SESN1: variants seen among roughly 807,000 people sequenced by gnomAD.
The protein encoded by SESN1 is sestrin-1.
A neutral mutation model predicts 59.3 loss-of-function variants in SESN1; 30 were observed. That is an observed-to-expected ratio of 0.51 (90% CI 0.38 to 0.69). The LOEUF (loss-of-function observed/expected upper bound fraction) is 0.69. Among genes scored for constraint, SESN1 ranks in the 30% least tolerant of loss-of-function variants. The pLI is 0.00. For synonymous variants in SESN1, 197 were observed against 219.9 expected (o/e 0.90, Z 0.92); for missense variants, 566 against 673.0 (o/e 0.84, Z 1.76).
Position 108,998,612 on chromosome 6 carries a change from T to C in SESN1, c.873A>G (p.Thr291=). 6.2e-7 allele frequency: 1 copy of C among 1,614,014 alleles called. No individual in the cohort carries two copies. Among genetic ancestry groups the C allele is most frequent in the South Asian group, 1.1e-5 (1 of 91,086 alleles). Residue 291 remains threonine (T), a synonymous_variant, in exon 5 of 10, where the codon ACA becomes ACG. Transcript: ENST00000436639. ...SPEIHCDGGH[T]FRPPSVSNYC... ...AGTTGCTAACAGAAGGAGGTCTGAA[T>C]GTGTGGCCACCATCACAATGAATTT...
At chr6:109,009,621 C>T in intron 1 of SESN1, 1 of 988,844 alleles carries the variant, frequency 1.0e-6, no homozygotes, top group Non-Finnish European at 1.2e-6. Context: ...ATTTCACCGC[C>T]CTGGCGGCCA....
intron 1 of SESN1, among the ~76,000 whole-genome samples, chr6:109,026,262 A>C (rs1050282513): frequency 6.6e-6 from 1 of 152,220 alleles, no homozygotes; most frequent in Non-Finnish European, 1.5e-5. Flanking sequence ...CAGATCCTCA[A>C]CTGAAGGAGT....
chr6:109,038,990 GGAGGAGGA>G (rs947289311), intron 1 of SESN1, among the ~76,000 whole-genome samples: 1 of 149,884 alleles, frequency 6.7e-6, no homozygotes, highest in Non-Finnish European at 1.5e-5. Context: ...AGAAGAAGGA[GGAGGAGGA>G]GAAAAGAAGA....
chr6:109,064,705 A>G (rs1305910722), intron 1 of SESN1, among the ~76,000 whole-genome samples: 12 of 74,272 alleles, frequency 1.6e-4, no homozygotes, highest in Non-Finnish European at 2.0e-4. Flanking sequence ...AGAGAGGGAG[A>G]GAGATGAAGG....
intron 1 of SESN1, among the ~76,000 whole-genome samples, chr6:109,051,342 T>C (rs1780539205): frequency 6.6e-6 from 1 of 152,194 alleles, no homozygotes. Flanking sequence ...ACAATAATGG[T>C]GCTACTTCAG....
Position 109,000,528 on chromosome 6 carries a change from G to T in SESN1, c.692C>A (p.Ala231Asp). Residue 231 changes from alanine to aspartate, a missense_variant, in exon 4 of 10, where the codon GCC (alanine) becomes GAC (aspartate). Transcript: ENST00000436639. ...QNLGELNKVLAHRPWLITKEH... is the reference protein window; with the variant it reads ...QNLGELNKVLDHRPWLITKEH... Reference sequence around the variant, plus strand: ...TTTGGTAATAAGCCAAGGTCTATGGGCTAACACTTTGTTAAGTTCTCCTAA... The same window carrying T: ...TTTGGTAATAAGCCAAGGTCTATGGTCTAACACTTTGTTAAGTTCTCCTAA... 1 of 1,609,606 alleles carries T rather than the reference G, an allele frequency of 6.2e-7. No homozygotes were observed. The highest frequency in any genetic ancestry group is 2.2e-5 in the East Asian group (1 of 44,718).
At chr6:109,032,569 G>A (rs1392332897) in intron 1 of SESN1, among the ~76,000 whole-genome samples, 2 of 150,630 alleles carry the variant, frequency 1.3e-5, no homozygotes, top group Non-Finnish European at 2.9e-5. Flanking sequence ...AATGAGCCGA[G>A]ATTGGGCCAT....
At chr6:108,998,345 T>A in intron 5 of SESN1, 168 bp downstream of exon 5, 1 of 671,004 alleles carries the variant, frequency 1.5e-6, no homozygotes, top group Non-Finnish European at 2.5e-6. Flanking sequence ...AGACTAGTGA[T>A]GAGCATGTGA....
chr6:109,088,011 C>G (rs1781243271), intron 1 of SESN1: 1 of 151,992 alleles, frequency 6.6e-6, no homozygotes, highest in Admixed American at 6.6e-5. Flanking sequence ...TAGTCCAAAC[C>G]AAAAATAGAA....
rs748684750 is a variant in SESN1 at position 108,994,451 on chromosome 6, G to C, written c.1120+11C>G. 1 of 1,603,954 alleles carries C rather than the reference G, an allele frequency of 6.2e-7. No individual in the cohort carries two copies. Among genetic ancestry groups the C allele is most frequent in the African/African-American group, 1.3e-5 (1 of 74,610 alleles). On this transcript the variant is annotated intron_variant, in intron 6 of 9. Coordinates refer to ENST00000436639, the MANE Select transcript of SESN1 (RefSeq NM_014454.3). Reference sequence around the variant, plus strand: ...CAATAATTATATTGACTATATAATGGTTGTTCTTACCTGAAGAGAAGACAA... The same window carrying C: ...CAATAATTATATTGACTATATAATGCTTGTTCTTACCTGAAGAGAAGACAA...
intron 1 of SESN1, among the ~76,000 whole-genome samples, chr6:109,026,157 A>G (rs2114382047): frequency 6.6e-6 from 1 of 152,310 alleles, no homozygotes; most frequent in East Asian, 1.9e-4. Context: ...TTGAGAGAAA[A>G]TATCATTGTT....
chr6:108,984,879 G>A lies in SESN1; in HGVS notation c.*2665C>T, dbSNP rs1779141498. ...TTTGGTGCGGCCTTTTCCTGGCTTT[G>A]CATTTGCCTAAATGCTGCAGTTTCC... On this transcript the variant is annotated 3_prime_UTR_variant, in exon 10 of 10. Transcript: ENST00000436639. 6.6e-6 allele frequency among the ~76,000 whole-genome samples: 1 copy of A among 152,046 alleles called. No individual in the cohort carries two copies. Among genetic ancestry groups the A allele is most frequent in the African/African-American group, 2.4e-5 (1 of 41,384 alleles).
Position 109,040,899 on chromosome 6 carries a change from G to A in SESN1, c.280-38556C>T, listed in dbSNP as rs544756777. On this transcript the variant is annotated intron_variant, in intron 1 of 9. Coordinates refer to ENST00000436639, the MANE Select transcript of SESN1 (RefSeq NM_014454.3). ...AATCTCCTGACCTCGTGATCTGCCC[G>A]CCTCAGCCTCCCAAAGTGCTGGGAT... 1.9e-3 allele frequency among the ~76,000 whole-genome samples: 287 copies of A among 151,998 alleles called. 1 individual carries two copies. Among genetic ancestry groups the A allele is most frequent in the Non-Finnish European group, 3.4e-3 (233 of 67,950 alleles).
At position 108,992,892 on chromosome 6, in the gene SESN1, T is replaced by A. The variant is rs770423654; in HGVS notation, c.1128A>T (p.Glu376Asp). Reference sequence around the variant, plus strand: ...ATACAGCTCTTGCTGGTGTAACTTCTTCATCATCTGGGAAAAAAGGCCATT... The same window carrying A: ...ATACAGCTCTTGCTGGTGTAACTTCATCATCATCTGGGAAAAAAGGCCATT... Reference protein sequence around the residue: ...ESMFVFSSDDEEVTPARAVSR... With the variant: ...ESMFVFSSDDDEVTPARAVSR... Residue 376 changes from glutamate (E) to aspartate (D), a missense_variant, in exon 7 of 10, where the codon GAA becomes GAT. By Grantham distance (45) the Glu-to-Asp change is conservative. Transcript: ENST00000436639. The A allele has an allele frequency of 2.3e-5, 37 of 1,605,278 alleles. No homozygotes were observed. The highest frequency in any genetic ancestry group is 8.1e-5 in the African/African-American group (6 of 73,886).
At chr6:109,036,603 C>T (rs1239800659) in intron 1 of SESN1, among the ~76,000 whole-genome samples, 1 of 152,130 alleles carries the variant, frequency 6.6e-6, no homozygotes, top group Non-Finnish European at 1.5e-5. Context: ...GTTCTTAATA[C>T]ACTATAATAT....
intron 1 of SESN1, among the ~76,000 whole-genome samples, chr6:109,057,787 C>G (rs1254565229): frequency 1.3e-5 from 2 of 152,174 alleles, no homozygotes; most frequent in Non-Finnish European, 2.9e-5. Flanking sequence ...ATACTAAAAA[C>G]TTCATTCAGC....
intron 1 of SESN1, among the ~76,000 whole-genome samples, chr6:109,085,481 T>A (rs1031673735): frequency 6.6e-6 from 1 of 151,668 alleles, no homozygotes; most frequent in South Asian, 2.1e-4. Context: ...GTCGCACCAC[T>A]GCACTCCAGC....
chr6:109,086,107 C>A (rs1216350360), intron 1 of SESN1, among the ~76,000 whole-genome samples: 2 of 152,092 alleles, frequency 1.3e-5, no homozygotes, highest in Non-Finnish European at 2.9e-5. Flanking sequence ...ACCTGCAATC[C>A]CAGCACTTTG....
chr6:109,022,917 T>C (rs886957652), intron 1 of SESN1, among the ~76,000 whole-genome samples: 1 of 152,140 alleles, frequency 6.6e-6, no homozygotes, highest in African/African-American at 2.4e-5. Flanking sequence ...TTAGTTTTGT[T>C]AATGTTAATA....
Sources: gnomAD v4.1 joint callset for allele counts (sites outside exome capture counted in the v4.1 genomes callset) on GRCh38, gnomAD v4.1.1 for gene constraint, MANE v1.5 for transcripts, NCBI Gene and HGNC (gene_info 2026-07-23, HGNC 2026-07-21) for gene names.